GRIK2: variants seen among roughly 807,000 people sequenced by gnomAD.
GRIK2 encodes glutamate receptor ionotropic, kainate 2.
GRIK2 carries 32 observed loss-of-function variants against 100.3 expected under a neutral mutation model. The ratio of observed to expected loss-of-function variants is 0.32; its 90% CI spans 0.24 to 0.43. The LOEUF (loss-of-function observed/expected upper bound fraction) is 0.43. GRIK2 is among the 20% of genes least tolerant of loss of function. The pLI, the probability that GRIK2 is intolerant of heterozygous loss-of-function variation, is 1.00. For synonymous variants in GRIK2, 417 were observed against 389.4 expected (o/e 1.07, Z -0.83); for missense variants, 843 against 1,114.9 (o/e 0.76, Z 3.47).
chr6:101,423,123 CTCTT>C (rs1439782661), intron 2 of GRIK2, among the ~76,000 whole-genome samples: 1 of 152,198 alleles, frequency 6.6e-6, no homozygotes, highest in Non-Finnish European at 1.5e-5. Context: ...GTATGTTACT[CTCTT>C]TCTCTATCCA....
Position 101,733,708 on chromosome 6 carries a change from C to CT in GRIK2, c.951+47379dup, listed in dbSNP as rs34438783. Among the ~76,000 whole-genome samples, 563 of 83,910 alleles carry CT rather than the reference C, an allele frequency of 6.7e-3. 17 individuals carry two copies. Among genetic ancestry groups the CT allele is most frequent in the African/African-American group, 0.017 (405 of 24,184 alleles). 55.0% of individuals were successfully genotyped at this position (83,910 alleles called of 152,430 possible). On this transcript the variant is annotated intron_variant, in intron 7 of 16. Transcript: ENST00000369134. Reference sequence around the variant, plus strand: ...CAAATTCCTGATTTAATTCCTCTTTCTTTTTTTTTTTTTTTTTTTTTTTTG... The same window carrying CT: ...CAAATTCCTGATTTAATTCCTCTTTCTTTTTTTTTTTTTTTTTTTTTTTTTG...
At chr6:101,457,004 C>A (rs1460701741) in intron 2 of GRIK2, among the ~76,000 whole-genome samples, 3 of 152,054 alleles carry the variant, frequency 2.0e-5, no homozygotes, top group Non-Finnish European at 4.4e-5. Context: ...AGCAAAAAGT[C>A]TTATTTTGTT....
intron 13 of GRIK2, among the ~76,000 whole-genome samples, chr6:101,925,419 G>GT (rs2128470601): frequency 6.7e-6 from 1 of 149,624 alleles, no homozygotes; most frequent in African/African-American, 2.4e-5. Flanking sequence ...TTTAGTCTCA[G>GT]TTTTTTTCAA....
At chr6:101,396,704 A>G (rs181494334) in intron 1 of GRIK2, among the ~76,000 whole-genome samples, 2 of 152,304 alleles carry the variant, frequency 1.3e-5, no homozygotes, top group Admixed American at 1.3e-4. Flanking sequence ...TTATTGTGCT[A>G]CTTTCAATGT....
chr6:101,912,111 CAG>C lies in GRIK2; in HGVS notation c.1749-12486_1749-12485del, dbSNP rs113113437. Reference sequence around the variant, plus strand: ...AAACACACACACACAAACACACACACAGAGACCGAGAGAGAGAAATCAGCACT... The same window carrying C: ...AAACACACACACACAAACACACACACAGACCGAGAGAGAGAAATCAGCACT... On this transcript the variant is annotated intron_variant, in intron 12 of 16. Coordinates refer to ENST00000369134, the MANE Select transcript of GRIK2 (RefSeq NM_021956.5). 8.3e-3 allele frequency among the ~76,000 whole-genome samples: 148 copies of C among 17,812 alleles called. 3 individuals are homozygous for C. In the East Asian group the frequency reaches 0.12, roughly 15 times the overall value. 11.7% of individuals were successfully genotyped at this position (17,812 alleles called of 152,430 possible). A position where few individuals can be genotyped will look rare whatever the true frequency, so the allele number is the denominator to read the frequency against.
intron 14 of GRIK2, among the ~76,000 whole-genome samples, chr6:101,957,656 G>A (rs1792023012): frequency 3.3e-5 from 5 of 151,956 alleles, no homozygotes. Flanking sequence ...AATTTTTATA[G>A]TTTCAGATCT....
At chr6:101,466,774 T>C (rs1274397406) in intron 2 of GRIK2, among the ~76,000 whole-genome samples, 2 of 152,158 alleles carry the variant, frequency 1.3e-5, no homozygotes, top group African/African-American at 2.4e-5. Flanking sequence ...AAGGAGTTTG[T>C]GTGCTTTCAA....
intron 7 of GRIK2, among the ~76,000 whole-genome samples, chr6:101,795,152 C>A (rs922932632): frequency 2.0e-4 from 30 of 152,098 alleles, no homozygotes; most frequent in African/African-American, 6.5e-4. Context: ...CAGATGTGAG[C>A]CACCATACCC....
At chr6:101,490,479 A>G (rs1448546809) in intron 2 of GRIK2, among the ~76,000 whole-genome samples, 2 of 146,540 alleles carry the variant, frequency 1.4e-5, no homozygotes, top group African/African-American at 5.2e-5. Flanking sequence ...ACAGGTGTTC[A>G]AAGGAGGCAG....
intron 10 of GRIK2, among the ~76,000 whole-genome samples, chr6:101,846,677 T>C (rs1783828713): frequency 6.6e-6 from 1 of 151,912 alleles, no homozygotes; most frequent in African/African-American, 2.4e-5. Context: ...GATGACTGGT[T>C]CAATCTCTTT....
chr6:101,935,083 A>G (rs375927428), intron 14 of GRIK2, among the ~76,000 whole-genome samples: 2 of 152,098 alleles, frequency 1.3e-5, no homozygotes, highest in South Asian at 2.1e-4. Flanking sequence ...TTGTCAGCAC[A>G]TGGTTAGAAA....
chr6:101,517,093 C>T (rs1260695673), intron 2 of GRIK2, among the ~76,000 whole-genome samples: 1 of 152,042 alleles, frequency 6.6e-6, no homozygotes, highest in Non-Finnish European at 1.5e-5. Flanking sequence ...TACTTATCTT[C>T]ATCACTTTTA....
intron 14 of GRIK2, among the ~76,000 whole-genome samples, chr6:101,959,795 T>C (rs1792168637): frequency 6.6e-6 from 1 of 152,110 alleles, no homozygotes; most frequent in Admixed American, 6.5e-5. Flanking sequence ...AGGATTTTTT[T>C]CCTTCATATT....
intron 15 of GRIK2, among the ~76,000 whole-genome samples, chr6:102,044,324 A>T (rs1770761657): frequency 6.6e-6 from 1 of 151,954 alleles, no homozygotes; most frequent in African/African-American, 2.4e-5. Flanking sequence ...ACTAACTCCT[A>T]ACAATGTCAT....
intron 4 of GRIK2, among the ~76,000 whole-genome samples, chr6:101,630,184 A>G (rs1316492176): frequency 1.3e-5 from 2 of 152,148 alleles, no homozygotes; most frequent in South Asian, 2.1e-4. Flanking sequence ...ATATGCATGC[A>G]TGTGTCTATT....
chr6:101,778,840 G>A (rs1778904411), intron 7 of GRIK2, among the ~76,000 whole-genome samples: 1 of 152,108 alleles, frequency 6.6e-6, no homozygotes, highest in Non-Finnish European at 1.5e-5. Context: ...CAAAGGAAAT[G>A]TATAATGTGA....
chr6:102,061,829 A>C (rs889515004), intron 16 of GRIK2, among the ~76,000 whole-genome samples: 4 of 150,354 alleles, frequency 2.7e-5, no homozygotes, highest in African/African-American at 9.7e-5. Flanking sequence ...CATTATTATT[A>C]TTTGTAAAGC....
chr6:101,484,405 C>T (rs1772703053), intron 2 of GRIK2, among the ~76,000 whole-genome samples: 1 of 152,112 alleles, frequency 6.6e-6, no homozygotes. Flanking sequence ...ATATTATCCT[C>T]CATTGTATTT....
chr6:101,891,685 T>C (rs529745735), intron 12 of GRIK2: 1 of 345,376 alleles, frequency 2.9e-6, no homozygotes, highest in South Asian at 2.4e-5. Flanking sequence ...TGCCTAAAAC[T>C]ATGTATTGGA....
Sources: gnomAD v4.1 joint callset for allele counts (sites outside exome capture counted in the v4.1 genomes callset) on GRCh38, gnomAD v4.1.1 for gene constraint, MANE v1.5 for transcripts, NCBI Gene and HGNC (gene_info 2026-07-23, HGNC 2026-07-21) for gene names.